The following ATP2B2 variants were observed in gnomAD, a reference collection of about 807,000 sequenced individuals.
ATP2B2 encodes plasma membrane calcium-transporting ATPase 2.
ATP2B2 carries 15 observed loss-of-function variants against 120.0 expected under a neutral mutation model. The ratio of observed to expected loss-of-function variants is 0.12; its 90% CI spans 0.08 to 0.19. ATP2B2 has a LOEUF of 0.19. ATP2B2 is among the 10% of genes least tolerant of loss of function. The pLI, the probability that ATP2B2 is intolerant of heterozygous loss-of-function variation, is 1.00. For synonymous variants in ATP2B2, 694 were observed against 700.3 expected (o/e 0.99, Z 0.14); for missense variants, 1,045 against 1,719.8 (o/e 0.61, Z 6.94).
At position 10,375,293 on chromosome 3, in the gene ATP2B2, A is replaced by G. The variant is rs2061350828; in HGVS notation, c.1416+137T>C. On this transcript the variant is annotated intron_variant, in intron 11 of 22. Coordinates refer to ENST00000360273, the MANE Select transcript of ATP2B2 (RefSeq NM_001001331.4). The surrounding 1 kb of genome is among the most constrained non-coding windows in gnomAD (Gnocchi z 4.2). ...GTCAGAGTTTTGGGGTCCTGCATAC[A>G]TTCTTCTTCCAAGCTCCTAGGGGGT... is the stretch of plus-strand genomic sequence containing the variant. 1 of 727,262 alleles carries G rather than the reference A, an allele frequency of 1.4e-6. No individual in the cohort carries two copies. Among genetic ancestry groups the G allele is most frequent in the Non-Finnish European group, 2.4e-6 (1 of 424,982 alleles). 45.1% of individuals were successfully genotyped at this position (727,262 alleles called of 1,614,324 possible).
chr3:10,521,979 T>C (rs1243648978), intron 3 of ATP2B2, among the ~76,000 whole-genome samples: 1 of 152,214 alleles, frequency 6.6e-6, no homozygotes, highest in Non-Finnish European at 1.5e-5. Flanking sequence ...TGTTTGGACT[T>C]CAACCCACGT....
intron 1 of ATP2B2, among the ~76,000 whole-genome samples, chr3:10,642,256 G>C (rs1026245360): frequency 2.0e-5 from 3 of 152,198 alleles, no homozygotes; most frequent in Non-Finnish European, 4.4e-5. Context: ...TCGAGGATTA[G>C]AACAGTCTAT....
chr3:10,410,130 T>C lies in ATP2B2; in HGVS notation c.397+488A>G, dbSNP rs972428714. Among the ~76,000 whole-genome samples, 9 of 152,228 alleles carry C rather than the reference T, an allele frequency of 5.9e-5. 1 individual carries two copies. In the South Asian group the frequency reaches 1.7e-3, roughly 28 times the overall value. On this transcript the variant is annotated intron_variant, in intron 3 of 22. Transcript: ENST00000360273. ...CAGATTAACCCCCTTTTCTGTGCCT[T>C]GGTTTCCTCATCTTTTTTTTATATT...
intron 2 of ATP2B2, among the ~76,000 whole-genome samples, chr3:10,552,197 G>A (rs73811927): frequency 0.057 from 8,607 of 152,276 alleles, 411 homozygotes; most frequent in African/African-American, 0.13. Flanking sequence ...GGCGAGGGGC[G>A]TGGGCGGGAA....
At chr3:10,603,961 T>A (rs1333554544) in intron 2 of ATP2B2, among the ~76,000 whole-genome samples, 2 of 152,156 alleles carry the variant, frequency 1.3e-5, no homozygotes, top group African/African-American at 4.8e-5. Flanking sequence ...GAGAGATATA[T>A]GTTTGACTGG....
At chr3:10,696,949 A>T (rs1045418191) in intron 1 of ATP2B2, among the ~76,000 whole-genome samples, 1 of 152,240 alleles carries the variant, frequency 6.6e-6, no homozygotes, top group Non-Finnish European at 1.5e-5. Context: ...CTCCATTATT[A>T]AATTTTTATG....
chr3:10,371,702 A>G (rs2061247488), intron 12 of ATP2B2, 107 bp downstream of exon 12: 1 of 1,545,358 alleles, frequency 6.5e-7, no homozygotes, highest in Non-Finnish European at 8.9e-7. Context: ...ACCAAAATAT[A>G]TTAGCAGGAT....
chr3:10,399,390 T>C (rs574355876), intron 5 of ATP2B2, among the ~76,000 whole-genome samples: 1 of 152,334 alleles, frequency 6.6e-6, no homozygotes, highest in East Asian at 1.9e-4. Flanking sequence ...TGATTTTAGG[T>C]CAAATGCAAC....
At chr3:10,535,096 G>A (rs1480326994) in intron 2 of ATP2B2, among the ~76,000 whole-genome samples, 2 of 151,736 alleles carry the variant, frequency 1.3e-5, no homozygotes, top group East Asian at 3.9e-4. Flanking sequence ...GTAGAGATGG[G>A]GTTTCACCGT....
At chr3:10,368,744 C>T (rs551736079) in intron 12 of ATP2B2, among the ~76,000 whole-genome samples, 4 of 152,228 alleles carry the variant, frequency 2.6e-5, no homozygotes, top group African/African-American at 9.6e-5. Flanking sequence ...CTCATCCATA[C>T]ACCCATCCAT....
Position 10,359,983 on chromosome 3 carries a change from G to A in ATP2B2, c.1800C>T (p.Tyr600=). 6.2e-7 allele frequency: 1 copy of A among 1,614,226 alleles called. No individual in the cohort carries two copies. Among genetic ancestry groups the A allele is most frequent in the Non-Finnish European group, 8.5e-7 (1 of 1,180,022 alleles). ...TGGACTTGCGCACGGAGTTGAAGGT[G>A]TACACTTTGTACAACTTCTCCTCTG... The part of the protein sequence containing the change: ...QMPEEKLYKV[Y]TFNSVRKSMS... Residue 600 remains tyrosine (Y), a synonymous_variant, in exon 13 of 23, where the codon TAC becomes TAT. Coordinates refer to ENST00000360273, the MANE Select transcript of ATP2B2 (RefSeq NM_001001331.4).
intron 1 of ATP2B2, among the ~76,000 whole-genome samples, chr3:10,638,934 A>G (rs1248231074): frequency 2.0e-5 from 3 of 152,244 alleles, no homozygotes; most frequent in Non-Finnish European, 4.4e-5. Context: ...AGCATCTAAT[A>G]AGGCAGCTTA....
chr3:10,449,449 C>T lies in ATP2B2; in HGVS notation c.95G>A (p.Arg32His), dbSNP rs1012015300. The T allele has an allele frequency of 3.1e-6, 5 of 1,614,236 alleles. 1 individual carries two copies. Among genetic ancestry groups the T allele is most frequent in the South Asian group, 2.2e-5 (2 of 91,082 alleles). The change falls in exon 2 of 23, where the codon CGC becomes CAC. Residue 32 changes from arginine (R) to histidine (H), a missense_variant. Arg to His is a conservative substitution (Grantham distance 29, BLOSUM62 0). Transcript: ENST00000360273. Reference protein sequence around the residue: ...GEFGCTMEELRSLMELRGTEA... With the variant: ...GEFGCTMEELHSLMELRGTEA... Reference sequence around the variant, plus strand: ...AGTGCCCCGCAGCTCCATGAGGGAGCGGAGCTCCTCCATTGTGCACCCGAA... The same window carrying T: ...AGTGCCCCGCAGCTCCATGAGGGAGTGGAGCTCCTCCATTGTGCACCCGAA...
At chr3:10,662,225 GC>G (rs1160805546) in intron 1 of ATP2B2, among the ~76,000 whole-genome samples, 1 of 152,104 alleles carries the variant, frequency 6.6e-6, no homozygotes, top group Middle Eastern at 3.4e-3. Context: ...GGCAACAAAA[GC>G]CAAAATTGAC....
intron 3 of ATP2B2, among the ~76,000 whole-genome samples, chr3:10,511,675 G>A (rs1021707793): frequency 5.3e-5 from 8 of 152,176 alleles, no homozygotes; most frequent in African/African-American, 1.7e-4. Context: ...TGGGACCAGC[G>A]TGCTTGAGCC....
chr3:10,506,114 C>T (rs371570163), upstream of ATP2B2, among the ~76,000 whole-genome samples: 13 of 152,176 alleles, frequency 8.5e-5, no homozygotes, highest in East Asian at 1.6e-3. Context: ...ACCCCCAGAC[C>T]TGGGGGGCAA....
chr3:10,518,403 G>A (rs749277613), intron 3 of ATP2B2, among the ~76,000 whole-genome samples: 1 of 152,120 alleles, frequency 6.6e-6, no homozygotes, highest in African/African-American at 2.4e-5. Flanking sequence ...TTGGAGGCTT[G>A]ATCCGATCTG....
intron 2 of ATP2B2, among the ~76,000 whole-genome samples, chr3:10,599,433 C>T (rs2068846557): frequency 6.6e-6 from 1 of 152,198 alleles, no homozygotes; most frequent in African/African-American, 2.4e-5. Context: ...CAGGGGCTCC[C>T]TCCAGCCCCC....
chr3:10,487,222 C>A (rs947365061), intron 1 of ATP2B2, among the ~76,000 whole-genome samples: 4 of 152,098 alleles, frequency 2.6e-5, no homozygotes, highest in African/African-American at 9.7e-5. Context: ...CACAGCCTCT[C>A]CCCACAAGCA....
Sources: allele counts gnomAD v4.1 joint callset (sites outside exome capture counted in the v4.1 genomes callset), GRCh38; gene constraint gnomAD v4.1.1; non-coding constraint Gnocchi (gnomAD v3.1); transcripts MANE v1.5; gene names NCBI Gene and HGNC (gene_info 2026-07-23, HGNC 2026-07-21).